Variants in GRIN2A observed in about 807,000 individuals in gnomAD.
GRIN2A encodes the protein glutamate ionotropic receptor NMDA type subunit 2A, also known as glutamate receptor ionotropic, NMDA 2A.
A neutral mutation model predicts 113.4 loss-of-function variants in GRIN2A; 22 were observed. That is an observed-to-expected ratio of 0.19 (90% CI 0.14 to 0.28). The LOEUF (loss-of-function observed/expected upper bound fraction) is 0.28. GRIN2A is among the 10% of genes least tolerant of loss of function. GRIN2A has a pLI of 1.00. For synonymous variants in GRIN2A, 827 were observed against 738.4 expected, an observed-to-expected ratio of 1.12 and a Z score of -1.94; for missense variants, 1,502 against 1,887.0, an observed-to-expected ratio of 0.80 and a Z score of 3.78.
intron 2 of GRIN2A, among the ~76,000 whole-genome samples, chr16:9,990,933 T>G (rs1411379297): frequency 6.6e-6 from 1 of 151,820 alleles, no homozygotes; most frequent in Non-Finnish European, 1.5e-5. Flanking sequence ...CAGGCATGGT[T>G]GCGGGTACCT....
intron 10 of GRIN2A, among the ~76,000 whole-genome samples, chr16:9,819,828 T>C (rs372235189): frequency 2.0e-5 from 3 of 147,454 alleles, no homozygotes; most frequent in Non-Finnish European, 3.0e-5. Flanking sequence ...CTGAGTGTGT[T>C]GAGAATCGTT....
rs147903386 is a variant in GRIN2A at position 9,812,360 on chromosome 16, C to T, written c.2168+9904G>A. On this transcript the variant is annotated intron_variant, in intron 10 of 12. Transcript: ENST00000330684. ...TTAGTTAGAAATGCCTCACTTAAGC[C>T]GGTCACGGTAACTCACGCCTGTAAT... Among the ~76,000 whole-genome samples, 742 of 152,284 alleles carry T rather than the reference C, an allele frequency of 4.9e-3. 8 individuals carry two copies. Among genetic ancestry groups the T allele is most frequent in the African/African-American group, 0.017 (714 of 41,562 alleles).
chr16:9,794,496 G>C (rs1902844193), intron 11 of GRIN2A: 1 of 152,204 alleles, frequency 6.6e-6, no homozygotes, highest in Non-Finnish European at 1.5e-5. Context: ...TTATGCAGCT[G>C]TGTTAATTCA....
intron 2 of GRIN2A, among the ~76,000 whole-genome samples, chr16:10,164,375 C>A (rs541266749): frequency 2.6e-5 from 4 of 152,182 alleles, no homozygotes; most frequent in Non-Finnish European, 5.9e-5. Flanking sequence ...GTCTGCGGGA[C>A]GGACCCCGCA....
chr16:10,002,717 G>T (rs1392190267), intron 2 of GRIN2A, among the ~76,000 whole-genome samples: 1 of 152,204 alleles, frequency 6.6e-6, no homozygotes, highest in African/African-American at 2.4e-5. Flanking sequence ...GGCCATAGAA[G>T]AATACAACTT....
At chr16:9,862,774 C>T (rs920863080) in intron 4 of GRIN2A, among the ~76,000 whole-genome samples, 5 of 152,156 alleles carry the variant, frequency 3.3e-5, no homozygotes, top group African/African-American at 1.2e-4. Flanking sequence ...ATGCCAGAGA[C>T]TTGAAAAATC....
intron 4 of GRIN2A, among the ~76,000 whole-genome samples, chr16:9,871,441 A>C (rs1326305164): frequency 1.3e-5 from 2 of 152,100 alleles, no homozygotes; most frequent in African/African-American, 4.8e-5. Context: ...GAAAAAAAAA[A>C]AAAAAGGTAA....
At chr16:10,007,599 A>C (rs1452504488) in intron 2 of GRIN2A, among the ~76,000 whole-genome samples, 1 of 151,888 alleles carries the variant, frequency 6.6e-6, no homozygotes, top group East Asian at 1.9e-4. Flanking sequence ...CGCTTTCTTG[A>C]CCGTTTGCTG....
At chr16:9,816,944 C>G (rs2042197856) in intron 10 of GRIN2A, among the ~76,000 whole-genome samples, 1 of 152,182 alleles carries the variant, frequency 6.6e-6, no homozygotes, top group Non-Finnish European at 1.5e-5. Context: ...TCACAGGAGT[C>G]CCACAAGGCA....
At chr16:9,880,990 A>G (rs910605274) in intron 4 of GRIN2A, among the ~76,000 whole-genome samples, 3 of 152,120 alleles carry the variant, frequency 2.0e-5, no homozygotes, top group African/African-American at 7.2e-5. Flanking sequence ...CTGCCTTGCA[A>G]CCCTCAGATA....
At chr16:9,959,881 C>T (rs1390290816) in intron 2 of GRIN2A, among the ~76,000 whole-genome samples, 1 of 152,160 alleles carries the variant, frequency 6.6e-6, no homozygotes, top group Admixed American at 6.5e-5. Flanking sequence ...GATGAAGCAA[C>T]AGAATCGCTT....
chr16:9,985,529 T>C (rs1192118398), intron 2 of GRIN2A, among the ~76,000 whole-genome samples: 1 of 152,094 alleles, frequency 6.6e-6, no homozygotes, highest in Non-Finnish European at 1.5e-5. Context: ...TGAGATCCTG[T>C]CATTTGCAAC....
chr16:10,166,925 T>C (rs2049936651), intron 2 of GRIN2A, among the ~76,000 whole-genome samples: 3 of 152,202 alleles, frequency 2.0e-5, no homozygotes, highest in Non-Finnish European at 4.4e-5. Flanking sequence ...CCTTATGATC[T>C]TCTTTTCTAT....
chr16:9,983,894 C>G (rs1050368033), intron 2 of GRIN2A, among the ~76,000 whole-genome samples: 2 of 152,210 alleles, frequency 1.3e-5, no homozygotes, highest in African/African-American at 4.8e-5. Flanking sequence ...CTTCAACATA[C>G]TGATTTCCTT....
chr16:10,055,910 A>T (rs9925707), intron 2 of GRIN2A, among the ~76,000 whole-genome samples: 21,229 of 152,154 alleles, frequency 0.14, 2,075 homozygotes, highest in African/African-American at 0.27. Flanking sequence ...GTCACTCCCT[A>T]AACAGCAGGA....
intron 4 of GRIN2A, among the ~76,000 whole-genome samples, chr16:9,869,883 TC>T (rs1440598800): frequency 6.6e-6 from 1 of 152,324 alleles, no homozygotes; most frequent in East Asian, 1.9e-4. Context: ...CAAGGTTCCT[TC>T]CCACCTGCAA....
In GRIN2A at chr16:9,764,336, A is replaced by T. The variant is rs1555482618; in HGVS notation, c.3208T>A (p.Cys1070Ser). Reference protein sequence around the residue: ...DISETSNRATCHREPDNSKNH... With the variant: ...DISETSNRATSHREPDNSKNH... ...TTACTGTTGTCAGGTTCCCTGTGGC[A>T]CGTGGCCCGATTTGACGTTTCTGAA... Residue 1070 changes from cysteine (C) to serine (S), a missense_variant, in exon 13 of 13, where the codon TGC becomes AGC. Around this residue, in one of 7 missense-constraint regions of GRIN2A, gnomAD observed 832 missense variants for 789.7 expected, o/e 1.05. Coordinates refer to ENST00000330684, the MANE Select transcript of GRIN2A (RefSeq NM_001134407.3). 6.2e-7 allele frequency: 1 copy of T among 1,614,094 alleles called. No homozygotes were observed. Among genetic ancestry groups the T allele is most frequent in the Non-Finnish European group, 8.5e-7 (1 of 1,180,004 alleles).
chr16:10,081,645 C>T (rs2047984732), intron 2 of GRIN2A, among the ~76,000 whole-genome samples: 1 of 152,206 alleles, frequency 6.6e-6, no homozygotes, highest in African/African-American at 2.4e-5. Flanking sequence ...CTTCTCTCTG[C>T]CTAGAGGTTT....
intron 2 of GRIN2A, among the ~76,000 whole-genome samples, chr16:10,111,187 T>A (rs953815098): frequency 2.6e-5 from 4 of 152,350 alleles, no homozygotes; most frequent in African/African-American, 9.6e-5. Context: ...CACAGAGATG[T>A]TTATCAGTGG....
Sources: gnomAD v4.1 joint callset for allele counts (sites outside exome capture counted in the v4.1 genomes callset) on GRCh38, gnomAD v4.1.1 for gene constraint, gnomAD v4.1.1 regional missense constraint, MANE v1.5 for transcripts, NCBI Gene and HGNC (gene_info 2026-07-23, HGNC 2026-07-21) for gene names.